Variants in XDH observed in about 807,000 individuals in gnomAD.
XDH encodes xanthine dehydrogenase, also known as xanthine dehydrogenase/oxidase.
In XDH, 138 loss-of-function variants were observed where a neutral mutation model predicts 156.1. That is an observed-to-expected ratio of 0.88 (90% confidence interval 0.77 to 1.02). The LOEUF (loss-of-function observed/expected upper bound fraction) is 1.02, where lower values mean the gene tolerates loss of function less well. Among genes scored for constraint, XDH ranks in the 50% least tolerant of loss-of-function variants. The pLI is 0.00. For missense variants in XDH, 1,849 were observed against 1,684.9 expected, an observed-to-expected ratio of 1.10 and a Z score of -1.71; for synonymous variants, 669 against 625.7, an observed-to-expected ratio of 1.07 and a Z score of -1.03.
intron 18 of XDH, 121 bp downstream of exon 18, chr2:31,370,234 A>C: frequency 1.7e-6 from 2 of 1,181,596 alleles, no homozygotes; most frequent in Non-Finnish European, 2.4e-6. Flanking sequence ...GGCCAACTGG[A>C]TGATGGCCAT....
chr2:31,413,695 T>C (rs1687400329), intron 1 of XDH, among the ~76,000 whole-genome samples: 1 of 152,122 alleles, frequency 6.6e-6, no homozygotes, highest in Non-Finnish European at 1.5e-5. Context: ...TTGCCCTTCT[T>C]TGGGGGACAC....
intron 10 of XDH, 121 bp from the exon 11 acceptor site, chr2:31,383,273 C>A: frequency 6.7e-7 from 1 of 1,487,204 alleles, no homozygotes; most frequent in East Asian, 2.4e-5. Context: ...TCACAGCTTT[C>A]CATGGATGAG....
intron 20 of XDH, among the ~76,000 whole-genome samples, 194 bp downstream of exon 20, chr2:31,367,767 G>C (rs1262528325): frequency 3.3e-5 from 5 of 152,096 alleles, no homozygotes; most frequent in African/African-American, 1.2e-4. Context: ...CTAGAGACAG[G>C]AGAGTAGAGA....
At chr2:31,385,996 T>C (rs1189103530) in intron 9 of XDH, among the ~76,000 whole-genome samples, 1 of 152,226 alleles carries the variant, frequency 6.6e-6, no homozygotes, top group Admixed American at 6.5e-5. Context: ...CCATGTCCAA[T>C]TGAGCTTTGT....
intron 16 of XDH, among the ~76,000 whole-genome samples, chr2:31,372,871 AC>A (rs1474155246): frequency 6.6e-6 from 1 of 152,120 alleles, no homozygotes; most frequent in African/African-American, 2.4e-5. Flanking sequence ...AAAGAATTAA[AC>A]AAAAATATAA....
At position 31,388,259 on chromosome 2, in the gene XDH, T is replaced by C. The variant is rs2147994893; in HGVS notation, c.532A>G (p.Asn178Asp). 1 of 1,614,152 alleles carries C rather than the reference T, an allele frequency of 6.2e-7. No homozygotes were observed. The highest frequency in any genetic ancestry group is 8.5e-7 in the Non-Finnish European group (1 of 1,180,018). Residue 178 changes from asparagine (N) to aspartate (D), a missense_variant, in exon 7 of 36, where the codon AAT becomes GAT. Asn to Asp is a conservative substitution (Grantham distance 23, BLOSUM62 1). Transcript: ENST00000379416. ...GCCGGDGNNPNCCMNQKKDHS... is the reference protein window; with the variant it reads ...GCCGGDGNNPDCCMNQKKDHS... ...TCTTTCTTCTGGTTCATGCAGCAATTTGGATTATTCCCATCTCCTCCACAG... is the reference window on the plus strand; with the variant it reads ...TCTTTCTTCTGGTTCATGCAGCAATCTGGATTATTCCCATCTCCTCCACAG...
chr2:31,379,168 C>A (rs1463745761), intron 13 of XDH, among the ~76,000 whole-genome samples: 1 of 152,130 alleles, frequency 6.6e-6, no homozygotes, highest in African/African-American at 2.4e-5. Flanking sequence ...GAGGAAAGAC[C>A]CACACCAGGT....
chr2:31,346,989 T>G, intron 29 of XDH, 146 bp from the exon 30 acceptor site: 2 of 1,026,002 alleles, frequency 1.9e-6, no homozygotes, highest in Non-Finnish European at 3.0e-6. Flanking sequence ...CACTCCAGAA[T>G]GATCAAGGCC....
intron 6 of XDH, among the ~76,000 whole-genome samples, chr2:31,391,810 C>T (rs1166596681): frequency 6.6e-6 from 1 of 152,132 alleles, no homozygotes; most frequent in African/African-American, 2.4e-5. Context: ...TTATACATTG[C>T]TGTTACATAT....
chr2:31,357,968 A>C (rs1193556295), intron 24 of XDH, among the ~76,000 whole-genome samples: 1 of 152,198 alleles, frequency 6.6e-6, no homozygotes, highest in Non-Finnish European at 1.5e-5. Context: ...TTTAATCAAT[A>C]GTGTTTTTTT....
chr2:31,368,690 G>A (rs201745250), intron 18 of XDH, 30 bp from the exon 19 acceptor site: 7 of 1,614,172 alleles, frequency 4.3e-6, no homozygotes, highest in East Asian at 2.2e-5. Context: ...GTTAAAGAAC[G>A]CAACCAGGCT....
At chr2:31,384,015 G>A in intron 9 of XDH, 168 bp from the exon 10 acceptor site, 1 of 702,716 alleles carries the variant, frequency 1.4e-6, no homozygotes, top group Non-Finnish European at 2.5e-6. Context: ...TAGACCAGGG[G>A]TGGGATTAGA....
At chr2:31,388,164 T>G in intron 7 of XDH, 63 bp downstream of exon 7, 1 of 1,574,656 alleles carries the variant, frequency 6.4e-7, no homozygotes, top group Non-Finnish European at 8.7e-7. Context: ...ATGGAGCTCG[T>G]GCACTGACTC....
Position 31,366,914 on chromosome 2 carries a change from C to T in XDH, c.2278G>A (p.Glu760Lys). ...TIAVPKGEAGEMELFVSTQNT... is the reference protein window; with the variant it reads ...TIAVPKGEAGKMELFVSTQNT... ...TGTGTAGACACAAAGAGCTCCATCTCCCCTGCCTCGCCTTTTGGAACAGCA... is the reference window on the plus strand; with the variant it reads ...TGTGTAGACACAAAGAGCTCCATCTTCCCTGCCTCGCCTTTTGGAACAGCA... Residue 760 changes from glutamate to lysine, a missense_variant, in exon 21 of 36, where the codon GAG (glutamate) becomes AAG (lysine). Glu to Lys is a moderately conservative substitution (Grantham distance 56, BLOSUM62 1). Coordinates refer to ENST00000379416, the MANE Select transcript of XDH (RefSeq NM_000379.4). The T allele has an allele frequency of 6.2e-7, 1 of 1,614,236 alleles. No individual in the cohort carries two copies. The highest frequency in any genetic ancestry group is 8.5e-7 in the Non-Finnish European group (1 of 1,180,038).
chr2:31,410,423 T>C (rs942649745), intron 1 of XDH, among the ~76,000 whole-genome samples: 2 of 152,322 alleles, frequency 1.3e-5, no homozygotes, highest in African/African-American at 4.8e-5. Context: ...AGAATATCAA[T>C]GGATACTCAA....
intron 2 of XDH, among the ~76,000 whole-genome samples, chr2:31,404,019 A>C (rs1275672204): frequency 6.6e-6 from 1 of 152,206 alleles, no homozygotes; most frequent in Non-Finnish European, 1.5e-5. Flanking sequence ...TTTCACCTAG[A>C]TACCTGTTTG....
At chr2:31,381,747 G>A in intron 11 of XDH, 21 bp from the exon 12 acceptor site, 4 of 1,602,576 alleles carry the variant, frequency 2.5e-6, no homozygotes, top group Non-Finnish European at 3.4e-6. Flanking sequence ...CAGAGAGCAT[G>A]CAGTGAGAGC....
intron 24 of XDH, among the ~76,000 whole-genome samples, chr2:31,355,824 A>G (rs1460525309): frequency 1.3e-5 from 2 of 152,206 alleles, no homozygotes; most frequent in Non-Finnish European, 2.9e-5. Flanking sequence ...GTTAAAAGAG[A>G]TTAGCAGAAT....
At chr2:31,398,228 G>C (rs947518290) in intron 5 of XDH, among the ~76,000 whole-genome samples, 3 of 152,142 alleles carry the variant, frequency 2.0e-5, no homozygotes, top group Non-Finnish European at 2.9e-5. Flanking sequence ...AAAACTGAGA[G>C]GGAAGGAAAT....
Sources: allele counts gnomAD v4.1 joint callset (sites outside exome capture counted in the v4.1 genomes callset), GRCh38; gene constraint gnomAD v4.1.1; transcripts MANE v1.5; gene names NCBI Gene and HGNC (gene_info 2026-07-23, HGNC 2026-07-21).